The following ALG9 variants were observed in gnomAD, a reference collection of about 807,000 sequenced individuals.
ALG9 encodes the protein alpha-1,2-mannosyltransferase ALG9.
ALG9 carries 55 observed loss-of-function variants against 81.8 expected under a neutral mutation model. The ratio of observed to expected loss-of-function variants is 0.67; its 90% CI spans 0.54 to 0.84. ALG9 has a LOEUF of 0.84. Ranked by LOEUF, ALG9 falls within the 40% of genes least tolerant of loss-of-function variation. The pLI is 0.00. For missense variants in ALG9, 629 were observed against 745.0 expected, an observed-to-expected ratio of 0.84 and a Z score of 1.81; for synonymous variants, 278 against 274.3, an observed-to-expected ratio of 1.01 and a Z score of -0.13.
intron 14 of ALG9, among the ~76,000 whole-genome samples, chr11:111,789,860 A>G (rs1305698711): frequency 6.6e-6 from 1 of 151,554 alleles, no homozygotes; most frequent in Non-Finnish European, 1.5e-5. Context: ...CAGAGGGTCA[A>G]TTGGACTGAG....
At chr11:111,815,629 G>A (rs1044284610) in intron 13 of ALG9, among the ~76,000 whole-genome samples, 3 of 152,222 alleles carry the variant, frequency 2.0e-5, no homozygotes, top group Non-Finnish European at 2.9e-5. Context: ...AAAGTCAGCC[G>A]GCCTAGATTC....
intron 13 of ALG9, among the ~76,000 whole-genome samples, chr11:111,810,568 C>A (rs1555090377): frequency 6.6e-6 from 1 of 152,048 alleles, no homozygotes; most frequent in African/African-American, 2.4e-5. Context: ...CTAGCCTGAG[C>A]AATATGGCGA....
chr11:111,772,522 C>A, the ALG9 span, among the ~76,000 whole-genome samples: 1 of 152,236 alleles, frequency 6.6e-6, no homozygotes, highest in East Asian at 1.9e-4. Context: ...AATCCCACCT[C>A]TACCAATTAC....
chr11:111,799,104 T>G (rs1398675967), intron 14 of ALG9, among the ~76,000 whole-genome samples: 1 of 152,204 alleles, frequency 6.6e-6, no homozygotes, highest in East Asian at 1.9e-4. Context: ...CATCTTTAGG[T>G]TGCAACTCCC....
chr11:111,832,793 C>T (rs1555114258), intron 13 of ALG9, among the ~76,000 whole-genome samples: 1 of 152,108 alleles, frequency 6.6e-6, no homozygotes, highest in Non-Finnish European at 1.5e-5. Context: ...TGTCTATAAT[C>T]CCAGAGCTTT....
In ALG9 at chr11:111,786,494, T is replaced by C. The variant is rs190908773; in HGVS notation, c.1760A>G (p.Tyr587Cys). 1 of 1,614,036 alleles carries C rather than the reference T, an allele frequency of 6.2e-7. No individual in the cohort carries two copies. Residue 587 changes from tyrosine to cysteine, a missense_variant, in exon 15 of 15, where the codon TAT becomes TGT. Transcript: ENST00000616540. Reference sequence around the variant, plus strand: ...ATACTGATCTGACAGGAAGGGGACATAGAATGCCCGCAGCAGCTTTGAAGA... The same window carrying C: ...ATACTGATCTGACAGGAAGGGGACACAGAATGCCCGCAGCAGCTTTGAAGA... ...SRSSKLLRAF[Y>C]VPFLSDQYTV...
At position 111,835,382 on chromosome 11, in the gene ALG9, G is replaced by A. The variant is rs117591404; in HGVS notation, c.1602+783C>T. Among the ~76,000 whole-genome samples the A allele has an allele frequency of 8.9e-4, 135 of 152,248 alleles. No individual in the cohort carries two copies. The East Asian group carries it at 9.5e-3, about 11-fold the overall frequency. Reference sequence around the variant, plus strand: ...TTTCAAAGGAACTGAAGTAAAATTCGCATGGGATCTCAGAATGTGTAAAGA... The same window carrying A: ...TTTCAAAGGAACTGAAGTAAAATTCACATGGGATCTCAGAATGTGTAAAGA... On this transcript the variant is annotated intron_variant, in intron 13 of 14. Coordinates refer to ENST00000616540, the MANE Select transcript of ALG9 (RefSeq NM_024740.2).
intron 6 of ALG9, among the ~76,000 whole-genome samples, chr11:111,854,260 C>T (rs1002461755): frequency 2.8e-4 from 36 of 126,340 alleles, no homozygotes; most frequent in African/African-American, 9.8e-4. Context: ...TCAGCCCTGG[C>T]TAATTTTTTT....
chr11:111,847,067 TGAA>T, intron 8 of ALG9, among the ~76,000 whole-genome samples: 1 of 152,218 alleles, frequency 6.6e-6, no homozygotes, highest in South Asian at 2.1e-4. Context: ...ATAGATTGAA[TGAA>T]GGAGAACTAC....
At chr11:111,847,328 T>C (rs1555131294) in intron 8 of ALG9, among the ~76,000 whole-genome samples, 1 of 152,206 alleles carries the variant, frequency 6.6e-6, no homozygotes, top group African/African-American at 2.4e-5. Flanking sequence ...ACAGAGGGCA[T>C]TTGCGGGTAT....
the ALG9 span, chr11:111,769,046 T>C: frequency 0.014 from 2 of 146 alleles, no homozygotes; most frequent in African/African-American, 0.045. Flanking sequence ...TTATACTTTA[T>C]GTAAAAAGTC....
chr11:111,840,811 T>C lies in ALG9; in HGVS notation c.1019-2A>G. On this transcript the variant is annotated splice_acceptor_variant, in intron 9 of 14. Transcript: ENST00000616540. LOFTEE classifies it high-confidence loss of function. ...AATACGGGTGGCCTAAATTCTGAACTGCAAGACACAGAAAAATACCCATCT... is the reference window on the plus strand; with the variant it reads ...AATACGGGTGGCCTAAATTCTGAACCGCAAGACACAGAAAAATACCCATCT... The C allele has an allele frequency of 2.5e-6, 4 of 1,614,060 alleles. No homozygotes were observed. Among genetic ancestry groups the C allele is most frequent in the Non-Finnish European group, 2.5e-6 (3 of 1,179,932 alleles).
At chr11:111,806,462 C>A (rs1345686929) in intron 14 of ALG9, among the ~76,000 whole-genome samples, 1 of 152,192 alleles carries the variant, frequency 6.6e-6, no homozygotes, top group Non-Finnish European at 1.5e-5. Flanking sequence ...GTGACCACTC[C>A]TTCCTCCTGA....
At chr11:111,803,935 C>G (rs1327732715) in intron 14 of ALG9, among the ~76,000 whole-genome samples, 1 of 151,794 alleles carries the variant, frequency 6.6e-6, no homozygotes, top group East Asian at 1.9e-4. Context: ...GAGTTCCAGA[C>G]CAGCATGGCC....
chr11:111,795,915 A>G (rs1384846808), intron 14 of ALG9, among the ~76,000 whole-genome samples: 3 of 152,216 alleles, frequency 2.0e-5, no homozygotes, highest in Admixed American at 2.0e-4. Flanking sequence ...CCCATCTCAC[A>G]GCTACTTAGA....
chr11:111,772,779 C>A, the ALG9 span, among the ~76,000 whole-genome samples: 1 of 152,032 alleles, frequency 6.6e-6, no homozygotes, highest in Non-Finnish European at 1.5e-5. Context: ...CAGAAAGGAC[C>A]CACATGAAAG....
chr11:111,871,232 G>A (rs1165659183), intron 1 of ALG9, 120 bp downstream of exon 1: 8 of 1,312,244 alleles, frequency 6.1e-6, no homozygotes, highest in Non-Finnish European at 7.7e-6. Context: ...GAGGGAGCTC[G>A]GGCCTCCCGC....
chr11:111,820,918 G>GCACA (rs1210716934), intron 13 of ALG9, among the ~76,000 whole-genome samples: 15 of 93,302 alleles, frequency 1.6e-4, no homozygotes, highest in South Asian at 3.4e-4. Context: ...CCAAACACGC[G>GCACA]CGCACACACA....
intron 9 of ALG9, among the ~76,000 whole-genome samples, chr11:111,841,434 C>T (rs782102828): frequency 4.8e-4 from 73 of 152,316 alleles, no homozygotes; most frequent in Non-Finnish European, 5.9e-4. Context: ...CACTCCGGAT[C>T]CCCAAATTGG....
Sources: gnomAD v4.1 joint callset for allele counts (sites outside exome capture counted in the v4.1 genomes callset) on GRCh38, gnomAD v4.1.1 for gene constraint, MANE v1.5 for transcripts, NCBI Gene and HGNC (gene_info 2026-07-23, HGNC 2026-07-21) for gene names.